Variants in KLB observed in about 807,000 individuals in gnomAD.
KLB encodes the protein klotho beta, also known as beta-klotho.
In KLB, 44 loss-of-function variants were observed where a neutral mutation model predicts 88.4. The observed-to-expected ratio is 0.50, with a 90% CI of 0.39 to 0.64. KLB has a LOEUF of 0.64. KLB is among the 30% of genes least tolerant of loss of function. The probability of loss-of-function intolerance (pLI) is 0.00; values close to 1 mark genes in which losing one functional copy is unlikely to be tolerated. For synonymous variants in KLB, 548 were observed against 513.4 expected (o/e 1.07, Z -0.91); for missense variants, 1,137 against 1,304.8 (o/e 0.87, Z 1.98).
At chr4:39,425,735 T>G (rs1252174149) in intron 1 of KLB, among the ~76,000 whole-genome samples, 1 of 151,940 alleles carries the variant, frequency 6.6e-6, no homozygotes, top group Non-Finnish European at 1.5e-5. Context: ...AGCCACCACA[T>G]CTGGCCAGAA....
At chr4:39,445,456 G>A (rs907629162) in intron 3 of KLB, among the ~76,000 whole-genome samples, 3 of 151,810 alleles carry the variant, frequency 2.0e-5, no homozygotes, top group East Asian at 1.9e-4. Context: ...CACATGGGTC[G>A]GGGAGACATG....
intron 3 of KLB, among the ~76,000 whole-genome samples, chr4:39,443,386 A>G (rs1408002840): frequency 6.7e-6 from 1 of 150,236 alleles, no homozygotes; most frequent in Non-Finnish European, 1.5e-5. Context: ...CCCCCAAAAA[A>G]AAGAAAAAAG....
intron 1 of KLB, among the ~76,000 whole-genome samples, chr4:39,428,708 T>G (rs1438107445): frequency 6.6e-6 from 1 of 152,178 alleles, no homozygotes; most frequent in Non-Finnish European, 1.5e-5. Flanking sequence ...TATTTATTTA[T>G]TAGTTTAATT....
At chr4:39,418,646 A>G (rs541315237) in intron 1 of KLB, among the ~76,000 whole-genome samples, 2 of 152,026 alleles carry the variant, frequency 1.3e-5, no homozygotes, top group South Asian at 2.1e-4. Flanking sequence ...AACAAAATAC[A>G]GTATAAGAAA....
At chr4:39,437,546 G>T (rs1294447586) in intron 2 of KLB, among the ~76,000 whole-genome samples, 181 bp from the exon 3 acceptor site, 1 of 152,182 alleles carries the variant, frequency 6.6e-6, no homozygotes, top group Non-Finnish European at 1.5e-5. Flanking sequence ...TACCAATCTG[G>T]ATGATAGTAA....
intron 1 of KLB, among the ~76,000 whole-genome samples, chr4:39,432,718 C>T (rs1334898821): frequency 6.6e-6 from 1 of 152,048 alleles, no homozygotes; most frequent in East Asian, 1.9e-4. Flanking sequence ...ACCAGAAACC[C>T]ATCACGAGGC....
At chr4:39,419,195 A>G (rs374649371) in intron 1 of KLB, among the ~76,000 whole-genome samples, 1 of 152,198 alleles carries the variant, frequency 6.6e-6, no homozygotes, top group Non-Finnish European at 1.5e-5. Context: ...TTAAGTAGAA[A>G]AAGTTATACT....
intron 1 of KLB, among the ~76,000 whole-genome samples, chr4:39,426,481 T>G (rs1247365875): frequency 6.6e-6 from 1 of 151,400 alleles, no homozygotes; most frequent in Admixed American, 6.6e-5. Context: ...TGGTGAATAT[T>G]TTCTTTATGA....
chr4:39,429,960 T>C (rs545467328), intron 1 of KLB, among the ~76,000 whole-genome samples: 8 of 152,198 alleles, frequency 5.3e-5, no homozygotes, highest in African/African-American at 1.9e-4. Flanking sequence ...CCTAGGCAAA[T>C]AGCAGCAAAG....
intron 3 of KLB, among the ~76,000 whole-genome samples, chr4:39,439,731 A>G (rs1743556632): frequency 6.6e-6 from 1 of 151,060 alleles, no homozygotes; most frequent in Non-Finnish European, 1.5e-5. Context: ...GCAATGGTGC[A>G]ATCTTGGCTC....
intron 2 of KLB, among the ~76,000 whole-genome samples, chr4:39,436,129 C>A (rs893483020): frequency 6.6e-6 from 1 of 152,172 alleles, no homozygotes; most frequent in Non-Finnish European, 1.5e-5. Flanking sequence ...GCTGAGGTTA[C>A]GATGGTTCTG....
In KLB at chr4:39,447,306, G is replaced by A. The variant is rs200309567; in HGVS notation, c.2580G>A (p.Thr860=). ...LQDITRLSSP[T]RLAVIPWGVR... ...ACATCACCCGCCTGAGCTCCCCCAC[G>A]CGCCTGGCTGTGATTCCCTGGGGGG... The change falls in exon 4 of 5, where the codon ACG becomes ACA. Residue 860 remains threonine (T), a synonymous_variant. Coordinates refer to ENST00000257408, the MANE Select transcript of KLB (RefSeq NM_175737.4). 2.8e-4 allele frequency: 448 copies of A among 1,614,064 alleles called. No homozygotes were observed. The highest frequency in any genetic ancestry group is 3.6e-4 in the Non-Finnish European group (421 of 1,179,992).
intron 1 of KLB, among the ~76,000 whole-genome samples, chr4:39,426,878 A>T (rs2109829984): frequency 6.6e-6 from 1 of 152,132 alleles, no homozygotes; most frequent in East Asian, 1.9e-4. Context: ...GTAGAGAAAG[A>T]GAGTCTCACT....
At chr4:39,444,181 CAAAA>C (rs2109843870) in intron 3 of KLB, among the ~76,000 whole-genome samples, 1 of 152,044 alleles carries the variant, frequency 6.6e-6, no homozygotes, top group South Asian at 2.1e-4. Flanking sequence ...AACAAACAAA[CAAAA>C]CATTCTTTCA....
chr4:39,408,339 CA>C (rs952764507), intron 1 of KLB, among the ~76,000 whole-genome samples: 1 of 152,118 alleles, frequency 6.6e-6, no homozygotes, highest in African/African-American at 2.4e-5. Flanking sequence ...GAGCTAAACA[CA>C]TTTCTTCCCA....
chr4:39,451,000 T>C lies in KLB; in HGVS notation c.*2314T>C, dbSNP rs1743883950. 1 of 152,230 alleles carries C rather than the reference T, an allele frequency of 6.6e-6. No individual in the cohort carries two copies. The highest frequency in any genetic ancestry group is 1.5e-5 in the Non-Finnish European group (1 of 68,048). The allele number at this position is 152,230 out of a possible 1,614,324, so 9.4% of individuals were successfully genotyped here. ...TTAACCTTCACTGTCTCTTTCACAT[T>C]AAGAGCTTATGCTTAAAGCATGCCC... On this transcript the variant is annotated 3_prime_UTR_variant, in exon 5 of 5. Coordinates refer to ENST00000257408, the MANE Select transcript of KLB (RefSeq NM_175737.4).
rs1487572959 is a variant in KLB at position 39,447,449 on chromosome 4, G to T, written c.2723G>T (p.Gly908Val). The T allele has an allele frequency of 1.9e-6, 3 of 1,599,002 alleles. No individual in the cohort carries two copies. The highest frequency in any genetic ancestry group is 2.6e-6 in the Non-Finnish European group (3 of 1,171,632). ...EDDRLRKYYL[G>V]KYLQEVLKAY... is the part of the protein sequence containing the mutation. ...GACCGGCTCCGGAAGTACTACCTAG[G>T]GAAGTACCTTCAGGAGGTGCTGAAA... Residue 908 changes from glycine (G) to valine (V), a missense_variant, in exon 4 of 5, where the codon GGG becomes GTG. Transcript: ENST00000257408.
In KLB at chr4:39,417,673, A is replaced by G. The variant is rs1742992973; in HGVS notation, c.825+9899A>G. Among the ~76,000 whole-genome samples, 4 of 152,252 alleles carry G rather than the reference A, an allele frequency of 2.6e-5. No homozygotes were observed. The South Asian group carries it at 8.3e-4, about 31-fold the overall frequency. On this transcript the variant is annotated intron_variant, in intron 1 of 4. Transcript: ENST00000257408. ...AAAGTGAAGGACTGAGACAATTATT[A>G]CAGATAACTTTTTGACATTCTATCA... is the stretch of plus-strand genomic sequence containing the variant.
At chr4:39,424,454 C>G (rs1743153395) in intron 1 of KLB, among the ~76,000 whole-genome samples, 1 of 151,676 alleles carries the variant, frequency 6.6e-6, no homozygotes, top group South Asian at 2.1e-4. Context: ...AGAAATGCTT[C>G]CAATTGCAAC....
Sources: gnomAD v4.1 joint callset for allele counts (sites outside exome capture counted in the v4.1 genomes callset) on GRCh38, gnomAD v4.1.1 for gene constraint, MANE v1.5 for transcripts, NCBI Gene and HGNC (gene_info 2026-07-23, HGNC 2026-07-21) for gene names.